The following TCF4 variants were observed in gnomAD, a reference collection of about 807,000 sequenced individuals.
TCF4 encodes SL3-3 enhancer factor 2.
TCF4 carries 3 observed loss-of-function variants against 82.1 expected under a neutral mutation model. The observed-to-expected ratio is 0.04, with a 90% CI of 0.02 to 0.09. The LOEUF (loss-of-function observed/expected upper bound fraction) is 0.09, where lower values mean the gene tolerates loss of function less well. Ranked by LOEUF, TCF4 falls within the 10% of genes least tolerant of loss-of-function variation. The pLI, the probability that TCF4 is intolerant of heterozygous loss-of-function variation, is 1.00. For missense variants in TCF4, 518 were observed against 852.7 expected (o/e 0.61, Z 4.89); for synonymous variants, 276 against 309.6 (o/e 0.89, Z 1.14).
At chr18:55,484,116 T>C (rs1427691049) in intron 3 of TCF4, among the ~76,000 whole-genome samples, 1 of 152,142 alleles carries the variant, frequency 6.6e-6, no homozygotes, top group South Asian at 2.1e-4. Flanking sequence ...TATTTTCTTA[T>C]GTTATGAGAG....
intron 8 of TCF4, among the ~76,000 whole-genome samples, chr18:55,334,012 A>G (rs1009588420): frequency 7.2e-5 from 11 of 152,138 alleles, no homozygotes; most frequent in Non-Finnish European, 1.3e-4. Flanking sequence ...ATTGATTTAC[A>G]TTGATCTCAA....
At chr18:55,487,125 A>G (rs1037457498) in intron 3 of TCF4, among the ~76,000 whole-genome samples, 1 of 152,160 alleles carries the variant, frequency 6.6e-6, no homozygotes, top group African/African-American at 2.4e-5. Flanking sequence ...GTTACTTTAC[A>G]CTGGCACTTC....
chr18:55,587,973 C>G (rs1171298088), intron 1 of TCF4, 65 bp downstream of exon 1: 16 of 960,228 alleles, frequency 1.7e-5, no homozygotes, highest in Non-Finnish European at 1.8e-5. Context: ...GCGGGGCCGC[C>G]GAGCCCGAAC....
At chr18:55,295,428 T>A (rs1304551992) in intron 8 of TCF4, among the ~76,000 whole-genome samples, 1 of 152,200 alleles carries the variant, frequency 6.6e-6, no homozygotes, top group Admixed American at 6.5e-5. Context: ...ACTACTTCAA[T>A]GAAACTGCTC....
At chr18:55,437,446 G>A (rs934567120) in intron 5 of TCF4, among the ~76,000 whole-genome samples, 3 of 152,166 alleles carry the variant, frequency 2.0e-5, no homozygotes, top group Non-Finnish European at 2.9e-5. Flanking sequence ...CATATTAGAA[G>A]TTATCCATTT....
intron 3 of TCF4, among the ~76,000 whole-genome samples, chr18:55,536,861 G>T (rs1379717108): frequency 6.6e-6 from 1 of 152,158 alleles, no homozygotes; most frequent in East Asian, 1.9e-4. Flanking sequence ...CTGGCCGGGT[G>T]TGGTGGCTCA....
At chr18:55,505,905 T>C (rs2096754404) in intron 3 of TCF4, among the ~76,000 whole-genome samples, 1 of 150,952 alleles carries the variant, frequency 6.6e-6, no homozygotes, top group Admixed American at 6.6e-5. Context: ...GCCTAACTAA[T>C]CCAACAGTAT....
chr18:55,603,372 T>C (rs372405840), intron 2 of TCF4, among the ~76,000 whole-genome samples: 33 of 149,610 alleles, frequency 2.2e-4, no homozygotes, highest in African/African-American at 8.0e-4. Flanking sequence ...ACGATGAAGA[T>C]TATTTTATTT....
chr18:55,376,093 C>A (rs1228815695), intron 6 of TCF4, among the ~76,000 whole-genome samples: 1 of 146,904 alleles, frequency 6.8e-6, no homozygotes, highest in Non-Finnish European at 1.5e-5. Flanking sequence ...GGGATCTCAG[C>A]TCACTGCAAC....
At chr18:55,357,707 C>T (rs1240034390) in intron 6 of TCF4, among the ~76,000 whole-genome samples, 2 of 152,044 alleles carry the variant, frequency 1.3e-5, no homozygotes, top group Non-Finnish European at 2.9e-5. Flanking sequence ...AAATATCTGC[C>T]CCTCTGAGCA....
In TCF4 at chr18:55,577,182, A is replaced by G. The variant is rs1379728208; in HGVS notation, c.145+8098T>C. Among the ~76,000 whole-genome samples the G allele has an allele frequency of 2.7e-5, 3 of 110,372 alleles. No homozygotes were observed. In the South Asian group the frequency reaches 8.1e-4, roughly 30 times the overall value. The allele number at this position is 110,372 out of a possible 152,430, so 72.4% of individuals were successfully genotyped here. A position where few individuals can be genotyped will look rare whatever the true frequency, so the allele number is the denominator to read the frequency against. Reference sequence around the variant, plus strand: ...TGTATATATACATTTATATATTTATAAATGTATATATACATTTATATATTT... The same window carrying G: ...TGTATATATACATTTATATATTTATGAATGTATATATACATTTATATATTT... On this transcript the variant is annotated intron_variant, in intron 3 of 19. Transcript: ENST00000354452.
At chr18:55,331,305 C>T (rs72925094) in intron 8 of TCF4, among the ~76,000 whole-genome samples, 5,415 of 152,254 alleles carry the variant, frequency 0.036, 181 homozygotes, top group South Asian at 0.16. Flanking sequence ...TAGTCACTTC[C>T]AGATAAGGAC....
chr18:55,532,470 A>C (rs1418632051), intron 3 of TCF4, among the ~76,000 whole-genome samples: 1 of 152,216 alleles, frequency 6.6e-6, no homozygotes, highest in Non-Finnish European at 1.5e-5. Flanking sequence ...GCTGGTACCA[A>C]GGAAAGCTGA....
Position 55,562,084 on chromosome 18 carries a change from T to C in TCF4, c.145+23196A>G, listed in dbSNP as rs151002272. 4.3e-3 allele frequency among the ~76,000 whole-genome samples: 655 copies of C among 152,332 alleles called. 3 individuals carry two copies. The highest frequency in any genetic ancestry group is 7.3e-3 in the Non-Finnish European group (495 of 68,032). On this transcript the variant is annotated intron_variant, in intron 3 of 19. Transcript: ENST00000354452. ...TGTCTGTTTTGCAAATAAAGTTTTATTAAAATACAGTAATGCTCATTGGTT... is the reference window on the plus strand; with the variant it reads ...TGTCTGTTTTGCAAATAAAGTTTTACTAAAATACAGTAATGCTCATTGGTT...
intron 3 of TCF4, among the ~76,000 whole-genome samples, chr18:55,535,149 G>C (rs2097103636): frequency 6.6e-6 from 1 of 152,216 alleles, no homozygotes; most frequent in Non-Finnish European, 1.5e-5. Flanking sequence ...CACCACGTGA[G>C]ACACTGTGTT....
chr18:55,588,148 G>A lies in TCF4; in HGVS notation c.-131C>T, dbSNP rs1293710195. 111 of 1,085,316 alleles carry A rather than the reference G, an allele frequency of 1.0e-4. 1 individual carries two copies. The South Asian group carries it at 3.7e-3, about 36-fold the overall frequency. 67.2% of individuals were successfully genotyped at this position (1,085,316 alleles called of 1,614,324 possible). ...TGCTCCTGCGCCCGCTCCCGCGCCT[G>A]CTGCCTCCCCGCCGCCGCCGCCGCC... On this transcript the variant is annotated 5_prime_UTR_variant, in exon 1 of 20. Coordinates refer to ENST00000354452, the MANE Select transcript of TCF4 (RefSeq NM_001083962.2).
intron 6 of TCF4, among the ~76,000 whole-genome samples, chr18:55,375,965 G>A (rs944818511): frequency 3.5e-5 from 5 of 144,746 alleles, no homozygotes; most frequent in African/African-American, 1.3e-4. Context: ...ATTCTCAAGT[G>A]TCTGATATTT....
intron 6 of TCF4, among the ~76,000 whole-genome samples, chr18:55,370,668 C>A (rs1050826943): frequency 1.3e-5 from 2 of 152,054 alleles, no homozygotes; most frequent in African/African-American, 2.4e-5. Context: ...AACTCTCCCC[C>A]CCAAAATTAG....
chr18:55,360,540 T>G (rs1003030672), intron 6 of TCF4, among the ~76,000 whole-genome samples: 7 of 152,148 alleles, frequency 4.6e-5, no homozygotes, highest in African/African-American at 1.7e-4. Context: ...AAGGACCAGA[T>G]AGAAAATATT....
Sources: gnomAD v4.1 joint callset for allele counts (sites outside exome capture counted in the v4.1 genomes callset) on GRCh38, gnomAD v4.1.1 for gene constraint, MANE v1.5 for transcripts, NCBI Gene and HGNC (gene_info 2026-07-23, HGNC 2026-07-21) for gene names.